Variants in SGCD observed in about 807,000 individuals in gnomAD.
SGCD encodes delta-sarcoglycan.
Under a neutral mutation model 36.6 loss-of-function variants are expected in SGCD, and 18 were observed. The observed-to-expected ratio is 0.49, with a 90% CI of 0.34 to 0.73. SGCD has a LOEUF of 0.73. Ranked by LOEUF, SGCD falls within the 30% of genes least tolerant of loss-of-function variation. The probability of loss-of-function intolerance (pLI) is 0.01; values close to 1 mark genes in which losing one functional copy is unlikely to be tolerated. For missense variants in SGCD, 387 were observed against 346.7 expected, an observed-to-expected ratio of 1.12 and a Z score of -0.92; for synonymous variants, 133 against 130.6, an observed-to-expected ratio of 1.02 and a Z score of -0.12.
intron 3 of SGCD, among the ~76,000 whole-genome samples, chr5:156,154,857 A>C (rs1762913744): frequency 6.6e-6 from 1 of 151,574 alleles, no homozygotes; most frequent in Non-Finnish European, 1.5e-5. Flanking sequence ...AAGAGGGCTG[A>C]AAATCACTGC....
intron 7 of SGCD, among the ~76,000 whole-genome samples, chr5:156,718,837 A>G (rs1240458915): frequency 6.6e-6 from 1 of 150,538 alleles, no homozygotes; most frequent in African/African-American, 2.5e-5. Flanking sequence ...GAAAAAAATT[A>G]GCCAGGTATG....
At chr5:156,423,160 ATAT>A (rs68077272) in intron 3 of SGCD, among the ~76,000 whole-genome samples, 67,708 of 93,728 alleles carry the variant, frequency 0.72, 23,317 homozygotes, top group Middle Eastern at 0.88. Flanking sequence ...AATTATTTAA[ATAT>A]TATATTTAAT....
At chr5:156,338,279 T>C (rs1768463672) in intron 2 of SGCD, among the ~76,000 whole-genome samples, 2 of 152,208 alleles carry the variant, frequency 1.3e-5, no homozygotes, top group Non-Finnish European at 2.9e-5. Context: ...AAACATTTGT[T>C]CTTCTCCTGA....
In SGCD at chr5:156,656,498, T is replaced by A. The variant is rs548837136; in HGVS notation, c.575+8962T>A. ...GGTCTTATAATTCAAAAGGAATGGT[T>A]CTCTGGGGCCATTTAGCATGGGAGC... On this transcript the variant is annotated intron_variant, in intron 7 of 8. Transcript: ENST00000337851. Among the ~76,000 whole-genome samples, 4 of 152,244 alleles carry A rather than the reference T, an allele frequency of 2.6e-5. No individual in the cohort carries two copies. The South Asian group carries it at 6.2e-4, about 24-fold the overall frequency.
intron 1 of SGCD, among the ~76,000 whole-genome samples, chr5:155,883,742 A>C (rs1002481830): frequency 1.4e-5 from 2 of 142,216 alleles, no homozygotes; most frequent in African/African-American, 5.4e-5. Flanking sequence ...TATTGGAAAA[A>C]TTGTGCCGAT....
At chr5:156,592,749 C>T (rs778441207) in intron 5 of SGCD, among the ~76,000 whole-genome samples, 8 of 152,114 alleles carry the variant, frequency 5.3e-5, no homozygotes, top group Non-Finnish European at 8.8e-5. Context: ...AGATGACTTC[C>T]GGGTTCCATC....
intron 6 of SGCD, among the ~76,000 whole-genome samples, chr5:156,627,416 T>C (rs1762477361): frequency 6.6e-6 from 1 of 152,186 alleles, no homozygotes; most frequent in African/African-American, 2.4e-5. Flanking sequence ...TAATCATACT[T>C]ACTAGCTTAC....
intron 7 of SGCD, among the ~76,000 whole-genome samples, chr5:156,665,218 G>T (rs910902716): frequency 6.6e-6 from 1 of 152,154 alleles, no homozygotes; most frequent in Non-Finnish European, 1.5e-5. Context: ...CACCTGACCT[G>T]CTGGAAGAGG....
chr5:156,274,239 A>C (rs923924762), intron 3 of SGCD, among the ~76,000 whole-genome samples: 25 of 152,146 alleles, frequency 1.6e-4, no homozygotes, highest in African/African-American at 5.3e-4. Context: ...CATATTTTTA[A>C]ATATCAAAAT....
intron 1 of SGCD, among the ~76,000 whole-genome samples, chr5:156,069,718 A>G (rs1760476080): frequency 6.7e-6 from 1 of 149,818 alleles, no homozygotes; most frequent in South Asian, 2.1e-4. Flanking sequence ...CTTGGGCAGT[A>G]TGGCCATTTT....
chr5:156,224,865 C>A (rs545562392), intron 3 of SGCD, among the ~76,000 whole-genome samples: 42 of 152,192 alleles, frequency 2.8e-4, no homozygotes, highest in African/African-American at 9.4e-4. Context: ...GGAAAATATT[C>A]TTTCTGTACC....
chr5:156,111,195 C>T (rs368538524), intron 1 of SGCD, among the ~76,000 whole-genome samples: 4 of 152,064 alleles, frequency 2.6e-5, no homozygotes, highest in Non-Finnish European at 5.9e-5. Flanking sequence ...GGTCAAAGTG[C>T]GTATCTTCTA....
intron 1 of SGCD, among the ~76,000 whole-genome samples, chr5:156,092,681 G>A (rs967440545): frequency 6.6e-5 from 10 of 152,216 alleles, no homozygotes; most frequent in African/African-American, 2.4e-4. Flanking sequence ...AGTATTTGTA[G>A]CTGTAGTGCT....
chr5:156,071,252 T>A (rs1760551931), intron 1 of SGCD, among the ~76,000 whole-genome samples: 1 of 152,232 alleles, frequency 6.6e-6, no homozygotes, highest in South Asian at 2.1e-4. Context: ...TTTCCTGCTT[T>A]CTCTTGTGGG....
At chr5:156,238,820 A>T (rs752477395) in intron 3 of SGCD, among the ~76,000 whole-genome samples, 11 of 152,086 alleles carry the variant, frequency 7.2e-5, no homozygotes, top group African/African-American at 1.2e-4. Context: ...AGTGTTCTGT[A>T]GCCTATTTTA....
At chr5:156,210,733 C>G (rs188461646) in intron 3 of SGCD, among the ~76,000 whole-genome samples, 2 of 151,288 alleles carry the variant, frequency 1.3e-5, no homozygotes. Context: ...AACCTGTGAA[C>G]TTACAGACAA....
chr5:155,995,311 A>G (rs1758518788), intron 1 of SGCD, among the ~76,000 whole-genome samples: 1 of 152,218 alleles, frequency 6.6e-6, no homozygotes, highest in Non-Finnish European at 1.5e-5. Flanking sequence ...AAGAGCAAGC[A>G]TTATAAACAG....
chr5:156,395,173 G>C (rs968955821), intron 3 of SGCD, among the ~76,000 whole-genome samples: 1 of 152,210 alleles, frequency 6.6e-6, no homozygotes, highest in Non-Finnish European at 1.5e-5. Flanking sequence ...TTTCATTTTG[G>C]CAGAGACTCA....
intron 3 of SGCD, among the ~76,000 whole-genome samples, chr5:156,429,153 A>C (rs548861245): frequency 2.0e-4 from 31 of 151,966 alleles, no homozygotes; most frequent in African/African-American, 7.0e-4. Context: ...TAGGTCTAGT[A>C]GTAATTGTTT....
Sources: allele counts gnomAD v4.1 joint callset (sites outside exome capture counted in the v4.1 genomes callset), GRCh38; gene constraint gnomAD v4.1.1; transcripts MANE v1.5; gene names NCBI Gene and HGNC (gene_info 2026-07-23, HGNC 2026-07-21).